The following STK3 variants were observed in gnomAD, a reference collection of about 807,000 sequenced individuals.
STK3 encodes serine/threonine kinase 3.
In STK3, 41 loss-of-function variants were observed where a neutral mutation model predicts 58.0. The ratio of observed to expected loss-of-function variants is 0.71; its 90% CI spans 0.55 to 0.92. The LOEUF is 0.92. STK3 is among the 40% of genes least tolerant of loss of function. STK3 has a pLI of 0.00. For synonymous variants in STK3, 170 were observed against 191.0 expected (o/e 0.89, Z 0.91); for missense variants, 479 against 602.7 (o/e 0.79, Z 2.15).
At chr8:98,379,491 G>C (rs935148296) in intron 1 of STK3, among the ~76,000 whole-genome samples, 3 of 152,170 alleles carry the variant, frequency 2.0e-5, no homozygotes, top group African/African-American at 7.2e-5. Context: ...CAGGCTCACA[G>C]ATTGCTCCCA....
intron 6 of STK3, among the ~76,000 whole-genome samples, chr8:98,647,664 G>A (rs1820504458): frequency 6.6e-6 from 1 of 152,074 alleles, no homozygotes; most frequent in Non-Finnish European, 1.5e-5. Flanking sequence ...GTGCCACCAC[G>A]CCCAGATAAT....
chr8:98,680,942 C>G (rs1823585069), intron 6 of STK3, among the ~76,000 whole-genome samples: 4 of 149,220 alleles, frequency 2.7e-5, no homozygotes, highest in Admixed American at 6.7e-5. Context: ...TTTAATTAGT[C>G]TACCAAATTT....
chr8:98,455,973 G>A lies in STK3; in HGVS notation c.1345C>T (p.Gln449Ter). Residue 449 changes from glutamine (Q) to a stop codon, truncating the protein, a stop_gained, in exon 11 of 11, where the codon CAG (glutamine) becomes TAG (stop). Coordinates refer to ENST00000419617, the MANE Select transcript of STK3 (RefSeq NM_006281.4). LOFTEE classifies it high-confidence loss of function. Reference sequence around the variant, plus strand: ...GGGTCCAGTGCTTTTAACCGCATCTGTAGTTCTTCTAAACTTAGATTTTTC... The same window carrying A: ...GGGTCCAGTGCTTTTAACCGCATCTATAGTTCTTCTAAACTTAGATTTTTC... ...FLKNLSLEEL[Q>*]MRLKALDPMM... 1 of 1,611,222 alleles carries A rather than the reference G, an allele frequency of 6.2e-7. No individual in the cohort carries two copies. The highest frequency in any genetic ancestry group is 1.1e-5 in the South Asian group (1 of 90,342).
At chr8:98,923,500 G>A (rs1465804587) in intron 1 of STK3, among the ~76,000 whole-genome samples, 1 of 152,102 alleles carries the variant, frequency 6.6e-6, no homozygotes, top group Non-Finnish European at 1.5e-5. Context: ...AACATAAAAT[G>A]AAAACTGTGA....
At chr8:98,500,589 A>G (rs186998545) in intron 10 of STK3, among the ~76,000 whole-genome samples, 13 of 151,864 alleles carry the variant, frequency 8.6e-5, no homozygotes, top group Admixed American at 7.9e-4. Flanking sequence ...TTCAATTCCA[A>G]CCTATGGTGG....
intron 1 of STK3, among the ~76,000 whole-genome samples, chr8:98,898,877 G>T (rs1334822191): frequency 1.3e-5 from 2 of 152,176 alleles, no homozygotes; most frequent in Non-Finnish European, 2.9e-5. Flanking sequence ...TTCAAACACA[G>T]CCTGCCTGGT....
intron 10 of STK3, among the ~76,000 whole-genome samples, chr8:98,501,172 AT>A (rs573851203): frequency 5.7e-4 from 87 of 151,618 alleles, no homozygotes; most frequent in Middle Eastern, 6.8e-3. Flanking sequence ...AATGATGAGT[AT>A]TTTTTCATGT....
chr8:98,903,557 C>CTT (rs1200563228), intron 1 of STK3, among the ~76,000 whole-genome samples: 15 of 9,928 alleles, frequency 1.5e-3, no homozygotes, highest in African/African-American at 1.8e-3. Context: ...CTTCTTCTTC[C>CTT]TTTTTTTTTT....
intron 10 of STK3, among the ~76,000 whole-genome samples, chr8:98,501,921 G>GT (rs1212994735): frequency 3.3e-5 from 5 of 152,176 alleles, no homozygotes; most frequent in African/African-American, 1.2e-4. Context: ...CCTTAAGGTA[G>GT]TTTTTTCCAA....
chr8:98,652,389 A>T (rs533144538), intron 6 of STK3, among the ~76,000 whole-genome samples: 1 of 152,362 alleles, frequency 6.6e-6, no homozygotes, highest in South Asian at 2.1e-4. Flanking sequence ...GCCGAATTGT[A>T]AAGACCACCA....
intron 1 of STK3, among the ~76,000 whole-genome samples, chr8:98,925,115 C>G (rs187704211): frequency 1.3e-5 from 2 of 152,348 alleles, no homozygotes; most frequent in African/African-American, 4.8e-5. Flanking sequence ...ATTGACCAGA[C>G]AGAGTGGGTG....
downstream of STK3, chr8:98,882,036 C>A (rs1383814606): frequency 6.6e-6 from 1 of 151,906 alleles, no homozygotes; most frequent in Non-Finnish European, 1.5e-5. Context: ...TGAGAATTGA[C>A]CATATTTGAA....
At chr8:98,665,972 G>A (rs966441816) in intron 6 of STK3, among the ~76,000 whole-genome samples, 2 of 151,716 alleles carry the variant, frequency 1.3e-5, no homozygotes, top group Non-Finnish European at 2.9e-5. Context: ...CAAAGTGCTG[G>A]GATTACAGGC....
At chr8:98,669,348 TTTTA>T (rs1822631821) in intron 6 of STK3, among the ~76,000 whole-genome samples, 1 of 152,140 alleles carries the variant, frequency 6.6e-6, no homozygotes, top group Non-Finnish European at 1.5e-5. Context: ...GACTTGGATT[TTTTA>T]TTGTTCTAGT....
At chr8:98,481,328 C>T (rs779403530) in intron 10 of STK3, among the ~76,000 whole-genome samples, 7 of 152,010 alleles carry the variant, frequency 4.6e-5, no homozygotes, top group African/African-American at 1.2e-4. Flanking sequence ...AATTCACAGT[C>T]GCAAAGATAT....
downstream of STK3, among the ~76,000 whole-genome samples, chr8:98,454,302 G>A (rs2131129270): frequency 6.6e-6 from 1 of 152,230 alleles, no homozygotes; most frequent in South Asian, 2.1e-4. Flanking sequence ...CTGAATACTG[G>A]GTTGTGGCCA....
Position 98,429,262 on chromosome 8 carries a change from G to A in STK3, n.483+4865C>T, listed in dbSNP as rs377211918. On this transcript the variant is annotated intron_variant and non_coding_transcript_variant, in intron 3 of 3. Transcript: ENST00000517832. ...CAAAAGCAACTTGAGAGTGCCATGC[G>A]CAGCTGTGACTTTGGAGATGGAATG... is the stretch of plus-strand genomic sequence containing the variant. 6.5e-5 allele frequency: 105 copies of A among 1,613,966 alleles called. No individual in the cohort carries two copies. The highest frequency in any genetic ancestry group is 1.6e-4 in the Middle Eastern group (1 of 6,084).
At chr8:98,419,740 T>C (rs1818149792) in intron 3 of STK3, among the ~76,000 whole-genome samples, 1 of 152,216 alleles carries the variant, frequency 6.6e-6, no homozygotes, top group Admixed American at 6.5e-5. Flanking sequence ...GGACCCCAGT[T>C]TCTATGATCT....
At chr8:98,557,783 C>T (rs1228474523) in intron 8 of STK3, among the ~76,000 whole-genome samples, 1 of 152,100 alleles carries the variant, frequency 6.6e-6, no homozygotes, top group Non-Finnish European at 1.5e-5. Flanking sequence ...ACATACCTGT[C>T]TTTAGCAAAC....
Sources: gnomAD v4.1 joint callset for allele counts (sites outside exome capture counted in the v4.1 genomes callset) on GRCh38, gnomAD v4.1.1 for gene constraint, MANE v1.5 for transcripts, NCBI Gene and HGNC (gene_info 2026-07-23, HGNC 2026-07-21) for gene names.